CPAMD8: variants seen among roughly 807,000 people sequenced by gnomAD.
CPAMD8 encodes C3 and PZP like alpha-2-macroglobulin domain containing 8.
In CPAMD8, 146 loss-of-function variants were observed where a neutral mutation model predicts 224.7. The ratio of observed to expected loss-of-function variants is 0.65; its 90% CI spans 0.57 to 0.75. CPAMD8 has a LOEUF of 0.75. Ranked by LOEUF, CPAMD8 falls within the 30% of genes least tolerant of loss-of-function variation. CPAMD8 has a pLI of 0.00. For missense variants in CPAMD8, 2,301 were observed against 2,537.5 expected, an observed-to-expected ratio of 0.91 and a Z score of 2.00; for synonymous variants, 966 against 1,044.6, an observed-to-expected ratio of 0.92 and a Z score of 1.45.
intron 23 of CPAMD8, among the ~76,000 whole-genome samples, chr19:16,931,748 C>A (rs888431785): frequency 1.3e-5 from 2 of 152,180 alleles, no homozygotes; most frequent in African/African-American, 4.8e-5. Context: ...ATCTGGCTTC[C>A]CCATCCCCAG....
At position 16,911,883 on chromosome 19, in the gene CPAMD8, T is replaced by C. The variant is rs545535030; in HGVS notation, c.3861+2541A>G. 1.6e-4 allele frequency among the ~76,000 whole-genome samples: 24 copies of C among 152,270 alleles called. No homozygotes were observed. In the South Asian group the frequency reaches 5.0e-3, roughly 32 times the overall value. On this transcript the variant is annotated intron_variant, in intron 29 of 41. Coordinates refer to ENST00000443236, the MANE Select transcript of CPAMD8 (RefSeq NM_015692.5). ...TAGTAGAGACAGGGTTTCATCATGT[T>C]GGCCAGGCTGGTCTCAAACTCCTGA... is the stretch of plus-strand genomic sequence containing the variant.
At chr19:16,896,151 T>C in intron 41 of CPAMD8, 25 bp downstream of exon 41, 1 of 1,613,046 alleles carries the variant, frequency 6.2e-7, no homozygotes, top group African/African-American at 1.3e-5. Flanking sequence ...ATGTCTCTTA[T>C]CTCTGGGGTG....
At chr19:16,981,968 C>A (rs766711865) in intron 13 of CPAMD8, among the ~76,000 whole-genome samples, 2 of 152,200 alleles carry the variant, frequency 1.3e-5, no homozygotes, top group South Asian at 2.1e-4. Flanking sequence ...TAATAAGTGT[C>A]ATTCTGGCCA....
intron 12 of CPAMD8, 124 bp downstream of exon 12, chr19:16,993,292 T>C: frequency 1.4e-6 from 1 of 711,894 alleles, no homozygotes; most frequent in Non-Finnish European, 2.3e-6. Context: ...TCTAGTGGAA[T>C]GTGTACTCCT....
intron 1 of CPAMD8, among the ~76,000 whole-genome samples, chr19:17,026,016 G>C (rs943498415): frequency 2.0e-5 from 3 of 152,076 alleles, no homozygotes; most frequent in African/African-American, 7.2e-5. Context: ...GAGCTCACCC[G>C]AACTTGCCAG....
chr19:16,972,681 G>A (rs62125979), intron 17 of CPAMD8, among the ~76,000 whole-genome samples: 28,547 of 151,960 alleles, frequency 0.19, 2,884 homozygotes, highest in Admixed American at 0.25. Flanking sequence ...TGATCCGCCC[G>A]TCTCAGCCTC....
At position 16,893,338 on chromosome 19, in the gene CPAMD8, C is replaced by A. The variant is rs2051833830; in HGVS notation, c.5428G>T (p.Val1810Phe). Residue 1810 changes from valine to phenylalanine, a missense_variant and splice_region_variant, in exon 42 of 42, where the codon GTC (valine) becomes TTC (phenylalanine). Physicochemically the swap from Val to Phe is conservative, Grantham distance 50. This residue lies in a region of CPAMD8 where 1,709 missense variants were observed against 1,753.2 expected (regional missense o/e 0.97). Transcript: ENST00000443236. ...ACAGGAGGCCGAGGCCCGGCTGTGA[C>A]CCTGGAGATGAGGTTTTATCTTACA... ...PEPEGEAEDR[V>F]TAGPRPPVSS... is the part of the protein sequence containing the mutation. 1.3e-6 allele frequency: 2 copies of A among 1,523,840 alleles called. No individual in the cohort carries two copies. The highest frequency in any genetic ancestry group is 1.8e-6 in the Non-Finnish European group (2 of 1,133,474). The allele number at this position is 1,523,840 out of a possible 1,614,324, so 94.4% of individuals were successfully genotyped here.
At chr19:16,999,365 C>T (rs575621920) in intron 10 of CPAMD8, among the ~76,000 whole-genome samples, 166 of 151,728 alleles carry the variant, frequency 1.1e-3, no homozygotes, top group African/African-American at 3.5e-3. Context: ...TGGATCACGA[C>T]GTCAGGAGAT....
At chr19:16,900,364 G>A (rs546084724) in intron 36 of CPAMD8, among the ~76,000 whole-genome samples, 27 of 152,262 alleles carry the variant, frequency 1.8e-4, no homozygotes, top group African/African-American at 6.5e-4. Context: ...TTGGAAGGCT[G>A]AGGTGGGCTG....
At position 16,997,207 on chromosome 19, in the gene CPAMD8, G is replaced by A. The variant is rs150144021; in HGVS notation, c.999C>T (p.Phe333=). Residue 333 remains phenylalanine (F), a synonymous_variant, in exon 11 of 42, where the codon TTC becomes TTT. Coordinates refer to ENST00000443236, the MANE Select transcript of CPAMD8 (RefSeq NM_015692.5). ...GCCTCTGCACGGGGGTGGAGTCATC[G>A]AACGCGACCTGCTGGCTCCCGTCCA... is the stretch of plus-strand genomic sequence containing the variant. ...TSVDGSQQVA[F]DDSTPVQRQL... is the part of the protein sequence containing the mutation. 5.1e-4 allele frequency: 808 copies of A among 1,574,568 alleles called. 2 individuals are homozygous for A. The African/African-American group carries it at 9.6e-3, about 19-fold the overall frequency.
rs376972285 is a variant in CPAMD8, at chr19:16,977,535, G to A, written c.1591C>T (p.Pro531Ser). 4 of 1,579,050 alleles carry A rather than the reference G, an allele frequency of 2.5e-6. No individual in the cohort carries two copies. The African/African-American group carries it at 5.5e-5, about 22-fold the overall frequency. ...RLTHLSETEP[P>S]PAPEAEVDVC... ...TCGACCTCAGCTTCTGGGGCTGGTG[G>A]GGGCTCTGAGGTGAGCAAAAGTAGA... The change falls in exon 15 of 42, where the codon CCA becomes TCA. Residue 531 changes from proline to serine, a missense_variant. By Grantham distance (74) the Pro-to-Ser change is moderately conservative. Coordinates refer to ENST00000443236, the MANE Select transcript of CPAMD8 (RefSeq NM_015692.5).
chr19:16,993,706 C>T, intron 11 of CPAMD8, 120 bp from the exon 12 acceptor site: 2 of 923,486 alleles, frequency 2.2e-6, no homozygotes. Flanking sequence ...AATTGACAAA[C>T]TGCTCCTGAA....
Position 17,024,711 on chromosome 19 carries a change from A to C in CPAMD8, c.92+1840T>G, listed in dbSNP as rs572334641. ...CCAGCTGTTGGGATGCTTGCCAGCC[A>C]TTCACTGTCACACCTGACCCACCCC... On this transcript the variant is annotated intron_variant, in intron 1 of 41. Transcript: ENST00000443236. 5.3e-5 allele frequency among the ~76,000 whole-genome samples: 8 copies of C among 152,372 alleles called. No individual in the cohort carries two copies. In the East Asian group the frequency reaches 1.5e-3, roughly 29 times the overall value.
At chr19:16,954,332 CAAA>C (rs371839176) in intron 19 of CPAMD8, among the ~76,000 whole-genome samples, 5 of 92,956 alleles carry the variant, frequency 5.4e-5, no homozygotes, top group Admixed American at 1.2e-4. Context: ...GACTCTATCT[CAAA>C]AAAAAAAAAA....
intron 1 of CPAMD8, among the ~76,000 whole-genome samples, chr19:17,022,941 A>C (rs962220555): frequency 1.3e-5 from 2 of 152,038 alleles, no homozygotes; most frequent in Non-Finnish European, 2.9e-5. Flanking sequence ...CATCAGCCCC[A>C]TTTAGAAAGT....
rs775573426 is a variant in CPAMD8 at position 16,929,091 on chromosome 19, C to T, written c.2995G>A (p.Glu999Lys). ...SGPQDTAGMI[E>K]IVLGGHQNTR... ...TTCTGATGCCCCCCCAGGACGATCT[C>T]GATCATGCCTGCTGTGTCCTGGGGC... Residue 999 changes from glutamate to lysine, a missense_variant, in exon 24 of 42, where the codon GAG becomes AAG. Glu to Lys is a moderately conservative substitution (Grantham distance 56, BLOSUM62 1). Transcript: ENST00000443236. 1.5e-5 allele frequency: 24 copies of T among 1,613,986 alleles called. No homozygotes were observed. Among genetic ancestry groups the T allele is most frequent in the South Asian group, 4.4e-5 (4 of 91,088 alleles).
chr19:16,958,114 T>C (rs1055822969), intron 18 of CPAMD8, among the ~76,000 whole-genome samples, 199 bp from the exon 19 acceptor site: 1 of 152,226 alleles, frequency 6.6e-6, no homozygotes, highest in Non-Finnish European at 1.5e-5. Flanking sequence ...GATTAGGACA[T>C]AACTTGTTTT....
intron 39 of CPAMD8, 169 bp downstream of exon 39, chr19:16,897,522 G>C (rs918668963): frequency 3.6e-6 from 2 of 552,770 alleles, no homozygotes; most frequent in African/African-American, 2.0e-5. Context: ...CTCCAGCCCC[G>C]CCTCCCCCGT....
chr19:16,963,135 TAATGGGCAA>T (rs1290156942), intron 18 of CPAMD8, among the ~76,000 whole-genome samples: 1 of 152,162 alleles, frequency 6.6e-6, no homozygotes, highest in Non-Finnish European at 1.5e-5. Flanking sequence ...CTGCATCAAT[TAATGGGCAA>T]AATAACCAGC....
Sources: allele counts gnomAD v4.1 joint callset (sites outside exome capture counted in the v4.1 genomes callset), GRCh38; gene constraint gnomAD v4.1.1; regional missense constraint gnomAD v4.1.1; transcripts MANE v1.5; gene names NCBI Gene and HGNC (gene_info 2026-07-23, HGNC 2026-07-21).